Variants in COL23A1 observed in about 807,000 individuals in gnomAD.
COL23A1 encodes collagen type XXIII alpha 1 chain.
COL23A1 carries 97 observed loss-of-function variants against 99.3 expected under a neutral mutation model. The observed-to-expected ratio is 0.98, with a 90% CI of 0.83 to 1.16. The LOEUF is 1.16. COL23A1 is among the 50% of genes most tolerant of loss of function. COL23A1 has a pLI of 0.00. For missense variants in COL23A1, 762 were observed against 757.4 expected (o/e 1.01, Z -0.07); for synonymous variants, 320 against 308.2 (o/e 1.04, Z -0.40).
rs1181072319 is a variant in COL23A1, at chr5:178,386,984, C to T, written c.362-80065G>A. Among the ~76,000 whole-genome samples the T allele has an allele frequency of 2.0e-5, 3 of 152,184 alleles. No individual in the cohort carries two copies. In the East Asian group the frequency reaches 5.8e-4, roughly 29 times the overall value. ...ACTATTAGGATGGGTGCAATAAATA[C>T]CCACAGGCTGACCTCGGCTTTGCCT... On this transcript the variant is annotated intron_variant, in intron 2 of 28. Transcript: ENST00000390654.
chr5:178,288,268 G>A lies in COL23A1; in HGVS notation c.441+56C>T. On this transcript the variant is annotated intron_variant, in intron 5 of 28. Coordinates refer to ENST00000390654, the MANE Select transcript of COL23A1 (RefSeq NM_173465.4). ...AGAGTTAAATCAAGGCTCAGGGAAA[G>A]AATATTGGTTTAAGAGAAAAGGGTG... The A allele has an allele frequency of 1.7e-5, 23 of 1,388,874 alleles. No homozygotes were observed. The South Asian group carries it at 2.5e-4, about 15-fold the overall frequency. The allele number at this position is 1,388,874 out of a possible 1,614,324, so 86.0% of individuals were successfully genotyped here. A position where few individuals can be genotyped will look rare whatever the true frequency, so the allele number is the denominator to read the frequency against.
chr5:178,578,011 G>GCCTGTA (rs1202501566), intron 1 of COL23A1, among the ~76,000 whole-genome samples: 2 of 152,160 alleles, frequency 1.3e-5, no homozygotes, highest in Non-Finnish European at 2.9e-5. Flanking sequence ...TAAGTGAGAT[G>GCCTGTA]CCTGTACAGT....
intron 2 of COL23A1, among the ~76,000 whole-genome samples, chr5:178,502,622 G>A (rs1393287100): frequency 6.6e-6 from 1 of 152,194 alleles, no homozygotes; most frequent in Non-Finnish European, 1.5e-5. Flanking sequence ...TCCACATCAA[G>A]TGCTGGAGAG....
chr5:178,564,749 G>A (rs112720437), intron 1 of COL23A1, among the ~76,000 whole-genome samples: 5,387 of 152,232 alleles, frequency 0.035, 124 homozygotes, highest in Non-Finnish European at 0.055. Context: ...GTTTATTAAC[G>A]ATCTGTCGGG....
In COL23A1 at chr5:178,248,258, C is replaced by T. The variant is rs750855644; in HGVS notation, c.1150-4G>A. 12 of 1,611,054 alleles carry T rather than the reference C, an allele frequency of 7.4e-6. No homozygotes were observed. Among genetic ancestry groups the T allele is most frequent in the Middle Eastern group, 1.7e-4 (1 of 6,054 alleles). On this transcript the variant is annotated splice_region_variant and splice_polypyrimidine_tract_variant and intron_variant, in intron 19 of 28. Transcript: ENST00000390654. Reference sequence around the variant, plus strand: ...CCCCCTTGAGGCCGTCAGCGCCCTGCAGGACGGCAATGGCCTGTGAGTCCT... The same window carrying T: ...CCCCCTTGAGGCCGTCAGCGCCCTGTAGGACGGCAATGGCCTGTGAGTCCT...
chr5:178,578,049 G>GCACA (rs1426805108), intron 1 of COL23A1, among the ~76,000 whole-genome samples: 1 of 150,850 alleles, frequency 6.6e-6, no homozygotes, highest in Non-Finnish European at 1.5e-5. Context: ...ACACGTGCAT[G>GCACA]CACACACCCA....
intron 2 of COL23A1, among the ~76,000 whole-genome samples, chr5:178,380,056 G>C (rs968056170): frequency 1.3e-5 from 2 of 152,104 alleles, no homozygotes; most frequent in African/African-American, 2.4e-5. Context: ...AACCGATGCT[G>C]CCTCCAACAT....
intron 2 of COL23A1, among the ~76,000 whole-genome samples, chr5:178,540,216 G>T (rs1761212659): frequency 6.6e-6 from 1 of 152,126 alleles, no homozygotes. Flanking sequence ...GAATTGGAAA[G>T]GAACAAACAC....
At chr5:178,581,101 T>C (rs1234756787) in intron 1 of COL23A1, among the ~76,000 whole-genome samples, 1 of 152,236 alleles carries the variant, frequency 6.6e-6, no homozygotes, top group African/African-American at 2.4e-5. Context: ...TATCAATTGC[T>C]TTTTGCTTTC....
Position 178,280,096 on chromosome 5 carries a change from T to C in COL23A1, c.441+8228A>G, listed in dbSNP as rs1446125350. Among the ~76,000 whole-genome samples the C allele has an allele frequency of 2.6e-5, 4 of 152,370 alleles. No individual in the cohort carries two copies. Among genetic ancestry groups the C allele is most frequent in the Non-Finnish European group, 5.9e-5 (4 of 68,036 alleles). On this transcript the variant is annotated intron_variant, in intron 5 of 28. Coordinates refer to ENST00000390654, the MANE Select transcript of COL23A1 (RefSeq NM_173465.4). This position sits in a 1 kb window ranked among gnomAD's most constrained non-coding sequence, Gnocchi z 4.9. ...ACGGTGAAGGGAACGATTCTCTGAA[T>C]GAACGTCCATCCTGCTGGCTCTCGT... is the stretch of plus-strand genomic sequence containing the variant.
intron 2 of COL23A1, among the ~76,000 whole-genome samples, chr5:178,479,327 CCCA>C (rs1757202677): frequency 6.6e-6 from 1 of 152,170 alleles, no homozygotes; most frequent in Non-Finnish European, 1.5e-5. Flanking sequence ...GGCTCTCACT[CCCA>C]CGCCTGTGCT....
intron 2 of COL23A1, among the ~76,000 whole-genome samples, chr5:178,376,454 C>A (rs1234857656): frequency 6.6e-6 from 1 of 152,156 alleles, no homozygotes; most frequent in East Asian, 1.9e-4. Flanking sequence ...GGGTGTGAGG[C>A]CCCCCACTGC....
chr5:178,358,393 GTGTATGTGTATGTGTGTATGTGTA>G lies in COL23A1; in HGVS notation c.362-51498_362-51475del, dbSNP rs1761926710. Among the ~76,000 whole-genome samples, 5 of 140,192 alleles carry G rather than the reference GTGTATGTGTATGTGTGTATGTGTA, an allele frequency of 3.6e-5. No individual in the cohort carries two copies. The South Asian group carries it at 9.1e-4, about 26-fold the overall frequency. 92.0% of individuals were successfully genotyped at this position (140,192 alleles called of 152,430 possible). On this transcript the variant is annotated intron_variant, in intron 2 of 28. Coordinates refer to ENST00000390654, the MANE Select transcript of COL23A1 (RefSeq NM_173465.4). ...ACGTGTGTATGTCTAATGTGTGTAT[GTGTATGTGTATGTGTGTATGTGTA>G]TGTGTGTGTATGTGTATGTGTGTAT... is the stretch of plus-strand genomic sequence containing the variant.
chr5:178,269,180 CTCT>C (rs1363031977), intron 6 of COL23A1, among the ~76,000 whole-genome samples: 5 of 152,106 alleles, frequency 3.3e-5, no homozygotes, highest in African/African-American at 9.6e-5. Flanking sequence ...CATAGGCATT[CTCT>C]TCTTCTTTTT....
At chr5:178,241,138 G>A (rs1764372154) in intron 27 of COL23A1, among the ~76,000 whole-genome samples, 1 of 152,142 alleles carries the variant, frequency 6.6e-6, no homozygotes, top group Non-Finnish European at 1.5e-5. Flanking sequence ...AGCTGAGGCA[G>A]GAGGATCACT....
intron 2 of COL23A1, among the ~76,000 whole-genome samples, chr5:178,432,142 A>G (rs181452329): frequency 5.3e-4 from 81 of 152,352 alleles, no homozygotes; most frequent in Middle Eastern, 3.4e-3. Flanking sequence ...GCTACAATGA[A>G]TCATTGCAGC....
Position 178,434,907 on chromosome 5 carries a change from G to A in COL23A1, c.361+125775C>T, listed in dbSNP as rs1766470475. Among the ~76,000 whole-genome samples, 1 of 152,222 alleles carries A rather than the reference G, an allele frequency of 6.6e-6. No individual in the cohort carries two copies. The highest frequency in any genetic ancestry group is 2.4e-5 in the African/African-American group (1 of 41,470). ...TTCTGAACCCTCGGTCTCAGCCCTT[G>A]CAGGGCAGCCCAGCCCCGACCCTGC... On this transcript the variant is annotated intron_variant, in intron 2 of 28. Transcript: ENST00000390654. The surrounding 1 kb of genome is among the most constrained non-coding windows in gnomAD (Gnocchi z 4.3).
At chr5:178,543,216 T>C (rs1214497652) in intron 2 of COL23A1, among the ~76,000 whole-genome samples, 7 of 151,938 alleles carry the variant, frequency 4.6e-5, no homozygotes, top group African/African-American at 1.7e-4. Flanking sequence ...CAACCGATTC[T>C]CCTGCCTCAG....
Position 178,309,546 on chromosome 5 carries a change from G to T in COL23A1, c.362-2627C>A, listed in dbSNP as rs1467568121. 1.3e-5 allele frequency among the ~76,000 whole-genome samples: 2 copies of T among 152,090 alleles called. No individual in the cohort carries two copies. Among genetic ancestry groups the T allele is most frequent in the African/African-American group, 4.8e-5 (2 of 41,390 alleles). On this transcript the variant is annotated intron_variant, in intron 2 of 28. Transcript: ENST00000390654. The surrounding 1 kb of genome is among the most constrained non-coding windows in gnomAD (Gnocchi z 4.7). The stretch of plus-strand genomic sequence containing the variant: ...TGACCGACTTGCAGATGGACAAGCG[G>T]TCTACCCTTTATTCTGAGCTCTGTA...
Sources: gnomAD v4.1 joint callset for allele counts (sites outside exome capture counted in the v4.1 genomes callset) on GRCh38, gnomAD v4.1.1 for gene constraint, Gnocchi (gnomAD v3.1) non-coding constraint, MANE v1.5 for transcripts, NCBI Gene and HGNC (gene_info 2026-07-23, HGNC 2026-07-21) for gene names.